Variants in WDFY3 observed in about 807,000 individuals in gnomAD.
WDFY3 encodes the protein WD repeat and FYVE domain containing 3.
In WDFY3, 66 loss-of-function variants were observed where a neutral mutation model predicts 409.6. The observed-to-expected ratio is 0.16, with a 90% CI of 0.13 to 0.20. The LOEUF is 0.20. Ranked by LOEUF, WDFY3 falls within the 10% of genes least tolerant of loss-of-function variation. The probability of loss-of-function intolerance (pLI) is 1.00; values close to 1 mark genes in which losing one functional copy is unlikely to be tolerated. For synonymous variants in WDFY3, 1,521 were observed against 1,537.1 expected (o/e 0.99, Z 0.25); for missense variants, 3,031 against 4,298.1 (o/e 0.71, Z 8.24).
At chr4:84,687,757 A>G (rs893763419) in intron 62 of WDFY3, 2 of 184,778 alleles carry the variant, frequency 1.1e-5, no homozygotes, top group Non-Finnish European at 1.1e-5. Flanking sequence ...CCCAGGCTGG[A>G]GTGCAATGGC....
chr4:84,889,148 C>G (rs921075262), intron 3 of WDFY3, among the ~76,000 whole-genome samples: 9 of 152,114 alleles, frequency 5.9e-5, no homozygotes, highest in Admixed American at 4.6e-4. Context: ...TTATCGTATT[C>G]TACTACTTTA....
chr4:84,955,330 C>A (rs909710530), intron 1 of WDFY3, among the ~76,000 whole-genome samples: 1 of 152,094 alleles, frequency 6.6e-6, no homozygotes, highest in Non-Finnish European at 1.5e-5. Context: ...ATGACTATAT[C>A]TAGGGCTGTG....
At chr4:84,904,959 T>C (rs1766839467) in intron 2 of WDFY3, among the ~76,000 whole-genome samples, 1 of 151,738 alleles carries the variant, frequency 6.6e-6, no homozygotes, top group Admixed American at 6.6e-5. Flanking sequence ...TAGTGGTCCC[T>C]GGGGCCCAGC....
intron 56 of WDFY3, among the ~76,000 whole-genome samples, chr4:84,698,781 C>T (rs1029486310): frequency 1.1e-4 from 16 of 152,142 alleles, no homozygotes; most frequent in African/African-American, 3.9e-4. Context: ...GCAACATCTG[C>T]CTCCCGGGTG....
intron 30 of WDFY3, among the ~76,000 whole-genome samples, chr4:84,769,194 G>C (rs1184495468): frequency 6.6e-6 from 1 of 152,150 alleles, no homozygotes; most frequent in Non-Finnish European, 1.5e-5. Flanking sequence ...TGGTCAAAAT[G>C]CTTTGAACAT....
intron 1 of WDFY3, among the ~76,000 whole-genome samples, chr4:84,939,964 C>A (rs1771905651): frequency 6.6e-6 from 1 of 152,062 alleles, no homozygotes; most frequent in South Asian, 2.1e-4. Flanking sequence ...AATTTATGTA[C>A]ATATGTCTGT....
At chr4:84,807,598 G>A (rs1027542446) in intron 15 of WDFY3, among the ~76,000 whole-genome samples, 3 of 152,168 alleles carry the variant, frequency 2.0e-5, no homozygotes, top group African/African-American at 4.8e-5. Context: ...TTTTGGTTAT[G>A]AGGAAAACAG....
chr4:84,682,288 T>G, intron 64 of WDFY3, 86 bp downstream of exon 64: 1 of 1,310,990 alleles, frequency 7.6e-7, no homozygotes, highest in Non-Finnish European at 1.1e-6. Context: ...TGGGCTCCTC[T>G]TTATGTTGTT....
At chr4:84,923,190 T>C (rs1186777747) in intron 2 of WDFY3, among the ~76,000 whole-genome samples, 1 of 152,242 alleles carries the variant, frequency 6.6e-6, no homozygotes, top group Non-Finnish European at 1.5e-5. Context: ...AAGATCATTC[T>C]GACCATGCTG....
chr4:84,754,304 A>G (rs1222575901), intron 34 of WDFY3, among the ~76,000 whole-genome samples: 1 of 152,222 alleles, frequency 6.6e-6, no homozygotes, highest in Non-Finnish European at 1.5e-5. Flanking sequence ...ATTATGTAAT[A>G]CAACAATGAT....
At chr4:84,928,037 A>G (rs1278509800) in intron 2 of WDFY3, among the ~76,000 whole-genome samples, 1 of 152,202 alleles carries the variant, frequency 6.6e-6, no homozygotes, top group Non-Finnish European at 1.5e-5. Flanking sequence ...AAGGAGATTG[A>G]CATTTCAGTC....
chr4:84,798,012 A>G lies in WDFY3; in HGVS notation c.2919T>C (p.Tyr973=), dbSNP rs775150378. 22 of 1,611,618 alleles carry G rather than the reference A, an allele frequency of 1.4e-5. No homozygotes were observed. The highest frequency in any genetic ancestry group is 1.7e-5 in the Admixed American group (1 of 59,564). The stretch of plus-strand genomic sequence containing the variant: ...AAAACTTACTTCTCATTTCTGGTTC[A>G]TAACTCAGTGAACTTGGTTTGTGGA... ...YRVHKPSSLS[Y]EPEMRSSMIT... Residue 973 remains tyrosine (Y), a synonymous_variant, in exon 18 of 68, where the codon TAT becomes TAC. Coordinates refer to ENST00000295888, the MANE Select transcript of WDFY3 (RefSeq NM_014991.6).
intron 29 of WDFY3, among the ~76,000 whole-genome samples, chr4:84,773,813 C>T (rs1236902772): frequency 3.9e-5 from 6 of 152,166 alleles, no homozygotes; most frequent in South Asian, 2.1e-4. Context: ...CTCCGCCTCC[C>T]GGGTTCAAGT....
Position 84,761,315 on chromosome 4 carries a change from A to C in WDFY3, c.5189-4154T>G, listed in dbSNP as rs1459252248. ...GGGGTGGAGAGTTCTGTAGATGTCT[A>C]TTAGGTCTGCTTGGTGCAGAGCTGA... On this transcript the variant is annotated intron_variant, in intron 32 of 67. Transcript: ENST00000295888. Among the ~76,000 whole-genome samples the C allele has an allele frequency of 2.4e-4, 37 of 152,134 alleles. 1 individual carries two copies. The highest frequency in any genetic ancestry group is 4.4e-5 in the Non-Finnish European group (3 of 68,034).
chr4:84,792,275 A>T (rs1317534062), intron 21 of WDFY3, among the ~76,000 whole-genome samples: 1 of 152,236 alleles, frequency 6.6e-6, no homozygotes, highest in Non-Finnish European at 1.5e-5. Context: ...GTGACTTGAT[A>T]TAGGAACTGA....
intron 2 of WDFY3, among the ~76,000 whole-genome samples, chr4:84,920,582 T>A (rs561618319): frequency 6.6e-6 from 1 of 152,314 alleles, no homozygotes; most frequent in Non-Finnish European, 1.5e-5. Context: ...ATATTATTTT[T>A]GCAACTTTTA....
chr4:84,790,019 A>G (rs1239657783), intron 21 of WDFY3, 112 bp from the exon 22 acceptor site: 1 of 1,152,682 alleles, frequency 8.7e-7, no homozygotes, highest in Non-Finnish European at 1.2e-6. Context: ...ATAATGATGC[A>G]GACTGATTTG....
intron 3 of WDFY3, among the ~76,000 whole-genome samples, chr4:84,895,787 A>G (rs574055062): frequency 2.0e-4 from 31 of 152,334 alleles, no homozygotes; most frequent in African/African-American, 6.7e-4. Context: ...CAAAGGATTA[A>G]CAATCTAGGA....
intron 4 of WDFY3, among the ~76,000 whole-genome samples, chr4:84,858,789 G>A (rs2150184411): frequency 6.6e-6 from 1 of 152,014 alleles, no homozygotes; most frequent in South Asian, 2.1e-4. Context: ...ACGGGGTGAG[G>A]GGGTGGGTGT....
Sources: allele counts gnomAD v4.1 joint callset (sites outside exome capture counted in the v4.1 genomes callset), GRCh38; gene constraint gnomAD v4.1.1; transcripts MANE v1.5; gene names NCBI Gene and HGNC (gene_info 2026-07-23, HGNC 2026-07-21).